MDGA2: variants seen among roughly 807,000 people sequenced by gnomAD.
The protein encoded by MDGA2 is MAM domain containing glycosylphosphatidylinositol anchor 2, also known as MAM domain-containing glycosylphosphatidylinositol anchor protein 2.
A neutral mutation model predicts 117.8 loss-of-function variants in MDGA2; 40 were observed. That is an observed-to-expected ratio of 0.34 (90% confidence interval 0.26 to 0.44). The LOEUF is 0.44. Ranked by LOEUF, MDGA2 falls within the 20% of genes least tolerant of loss-of-function variation. The pLI is 1.00. For synonymous variants in MDGA2, 452 were observed against 439.0 expected, an observed-to-expected ratio of 1.03 and a Z score of -0.37; for missense variants, 1,123 against 1,250.6, an observed-to-expected ratio of 0.90 and a Z score of 1.54.
Position 47,155,888 on chromosome 14 carries a change from C to CTTTTTTTT in MDGA2, c.596-11622_596-11615dup, listed in dbSNP as rs55827732. Among the ~76,000 whole-genome samples, 111 of 40,112 alleles carry CTTTTTTTT rather than the reference C, an allele frequency of 2.8e-3. 13 individuals carry two copies. Among genetic ancestry groups the CTTTTTTTT allele is most frequent in the South Asian group, 3.9e-3 (4 of 1,018 alleles). 26.3% of individuals were successfully genotyped at this position (40,112 alleles called of 152,430 possible). A position where few individuals can be genotyped will look rare whatever the true frequency, so the allele number is the denominator to read the frequency against. ...ATTCTTTTCTTTTCTTCTTCTTCTT[C>CTTTTTTTT]TTTTTTTTTTTTTTTTTTTTTTTTT... On this transcript the variant is annotated intron_variant, in intron 3 of 16. Coordinates refer to ENST00000399232, the MANE Select transcript of MDGA2 (RefSeq NM_001113498.3).
At chr14:46,930,465 T>C (rs563764095) in intron 9 of MDGA2, among the ~76,000 whole-genome samples, 2 of 152,158 alleles carry the variant, frequency 1.3e-5, no homozygotes, top group Admixed American at 6.5e-5. Context: ...ATTTAGAACA[T>C]TTAATGGACG....
chr14:47,456,573 G>A (rs1054157701), intron 1 of MDGA2, among the ~76,000 whole-genome samples: 3 of 151,920 alleles, frequency 2.0e-5, no homozygotes, highest in African/African-American at 7.3e-5. Context: ...AAAGTGCTGG[G>A]ATTACAGGCA....
At chr14:47,393,255 A>T (rs1891936328) in intron 1 of MDGA2, among the ~76,000 whole-genome samples, 1 of 151,786 alleles carries the variant, frequency 6.6e-6, no homozygotes, top group South Asian at 2.1e-4. Flanking sequence ...TTTCACATCG[A>T]TGAGAATCTG....
At chr14:47,552,611 C>T (rs1330835499) in intron 1 of MDGA2, among the ~76,000 whole-genome samples, 1 of 152,112 alleles carries the variant, frequency 6.6e-6, no homozygotes, top group East Asian at 1.9e-4. Flanking sequence ...CATCTTTTCA[C>T]CCCTGAACTA....
At chr14:47,666,517 A>T (rs1897970007) in intron 1 of MDGA2, among the ~76,000 whole-genome samples, 2 of 152,164 alleles carry the variant, frequency 1.3e-5, no homozygotes, top group Non-Finnish European at 2.9e-5. Flanking sequence ...TCTAGTGGGA[A>T]TGTGGAGAAC....
At chr14:47,516,931 A>G (rs1894764803) in intron 1 of MDGA2, among the ~76,000 whole-genome samples, 1 of 152,198 alleles carries the variant, frequency 6.6e-6, no homozygotes, top group Non-Finnish European at 1.5e-5. Flanking sequence ...GTTATCCATA[A>G]GAACAAAAAA....
chr14:47,535,580 C>T lies in MDGA2; in HGVS notation c.280+138937G>A, dbSNP rs190068655. Among the ~76,000 whole-genome samples the T allele has an allele frequency of 1.3e-3, 193 of 152,108 alleles. 1 individual carries two copies. Among genetic ancestry groups the T allele is most frequent in the Non-Finnish European group, 1.2e-3 (82 of 67,996 alleles). On this transcript the variant is annotated intron_variant, in intron 1 of 16. Coordinates refer to ENST00000399232, the MANE Select transcript of MDGA2 (RefSeq NM_001113498.3). ...GGACGTGGAAGAAGTGGCTCTGAGT[C>T]GGGAAGGAGTGCATTTCAATAATAA...
rs150310598 is a variant in MDGA2, at chr14:47,495,247, T to C, written c.280+179270A>G. Reference sequence around the variant, plus strand: ...CACATGGACATACAGAGTGTAATAATAGACACTGGCGACTTCAAAAGGTAG... The same window carrying C: ...CACATGGACATACAGAGTGTAATAACAGACACTGGCGACTTCAAAAGGTAG... On this transcript the variant is annotated intron_variant, in intron 1 of 16. Coordinates refer to ENST00000399232, the MANE Select transcript of MDGA2 (RefSeq NM_001113498.3). 1.8e-4 allele frequency among the ~76,000 whole-genome samples: 28 copies of C among 152,156 alleles called. No individual in the cohort carries two copies. The East Asian group carries it at 4.8e-3, about 26-fold the overall frequency.
chr14:47,236,473 G>A (rs1334087638), intron 2 of MDGA2, among the ~76,000 whole-genome samples: 1 of 152,052 alleles, frequency 6.6e-6, no homozygotes, highest in East Asian at 1.9e-4. Context: ...TGCTATTTCT[G>A]TGATAAAGAA....
chr14:47,266,754 C>A (rs2139688987), intron 2 of MDGA2, among the ~76,000 whole-genome samples: 1 of 152,226 alleles, frequency 6.6e-6, no homozygotes, highest in Middle Eastern at 3.4e-3. Flanking sequence ...ATTTTCTCTG[C>A]CTGAGGTGCT....
chr14:46,928,838 T>C (rs1884430303), intron 9 of MDGA2, among the ~76,000 whole-genome samples: 1 of 152,238 alleles, frequency 6.6e-6, no homozygotes, highest in Non-Finnish European at 1.5e-5. Flanking sequence ...ATCATAATTT[T>C]ATCCCAATAT....
chr14:47,165,519 G>T (rs1052564759), intron 3 of MDGA2, among the ~76,000 whole-genome samples: 5 of 152,154 alleles, frequency 3.3e-5, no homozygotes, highest in African/African-American at 1.2e-4. Flanking sequence ...TAGAGGTGAT[G>T]ATAGAAGCAG....
intron 3 of MDGA2, among the ~76,000 whole-genome samples, chr14:47,163,694 T>C (rs568141849): frequency 1.3e-5 from 2 of 152,258 alleles, no homozygotes; most frequent in African/African-American, 4.8e-5. Context: ...CAGTGCACTT[T>C]TGTGTTTCAG....
chr14:47,187,765 A>G (rs527323159), intron 3 of MDGA2, among the ~76,000 whole-genome samples: 2 of 152,286 alleles, frequency 1.3e-5, no homozygotes, highest in African/African-American at 4.8e-5. Flanking sequence ...ACAACAAAAT[A>G]ATAACACATT....
chr14:46,958,898 C>G (rs1473645916), intron 8 of MDGA2, among the ~76,000 whole-genome samples: 1 of 152,136 alleles, frequency 6.6e-6, no homozygotes, highest in East Asian at 1.9e-4. Flanking sequence ...GGTGTGCCCA[C>G]TAAGAAGGAA....
At chr14:47,142,420 G>A (rs1882759419) in intron 4 of MDGA2, among the ~76,000 whole-genome samples, 1 of 151,500 alleles carries the variant, frequency 6.6e-6, no homozygotes, top group African/African-American at 2.4e-5. Flanking sequence ...TCCAGCCCAG[G>A]TGACAGAGCA....
intron 8 of MDGA2, among the ~76,000 whole-genome samples, chr14:46,963,849 T>G (rs577497020): frequency 1.3e-5 from 2 of 152,222 alleles, no homozygotes; most frequent in African/African-American, 4.8e-5. Context: ...GTCATTATAA[T>G]TGGTGATATA....
rs904063714 is a variant in MDGA2 at position 47,170,157 on chromosome 14, C to T, written c.596-25883G>A. Reference sequence around the variant, plus strand: ...GCCCTTTAATCCCAGGGGTTGGCACCTTGCCTTTGGCTTCTAGTCTCACTC... The same window carrying T: ...GCCCTTTAATCCCAGGGGTTGGCACTTTGCCTTTGGCTTCTAGTCTCACTC... On this transcript the variant is annotated intron_variant, in intron 3 of 16. Coordinates refer to ENST00000399232, the MANE Select transcript of MDGA2 (RefSeq NM_001113498.3). 7.9e-5 allele frequency among the ~76,000 whole-genome samples: 12 copies of T among 152,068 alleles called. 1 individual carries two copies. The highest frequency in any genetic ancestry group is 2.9e-4 in the African/African-American group (12 of 41,432).
At chr14:47,540,516 GTATA>G (rs1174090844) in intron 1 of MDGA2, among the ~76,000 whole-genome samples, 9 of 94,924 alleles carry the variant, frequency 9.5e-5, no homozygotes, top group African/African-American at 2.4e-4. Flanking sequence ...ATATGTATAT[GTATA>G]TGTGTGTGTG....
Sources: allele counts gnomAD v4.1 joint callset (sites outside exome capture counted in the v4.1 genomes callset), GRCh38; gene constraint gnomAD v4.1.1; transcripts MANE v1.5; gene names NCBI Gene and HGNC (gene_info 2026-07-23, HGNC 2026-07-21).